The following SSPN variants were observed in gnomAD, a reference collection of about 807,000 sequenced individuals.
SSPN encodes the protein K-ras oncogene-associated protein.
In SSPN, 15 loss-of-function variants were observed where a neutral mutation model predicts 19.1. The ratio of observed to expected loss-of-function variants is 0.78; its 90% CI spans 0.52 to 1.21. The LOEUF is 1.21. Ranked by LOEUF, SSPN falls within the 50% of genes most tolerant of loss-of-function variation. The pLI, the probability that SSPN is intolerant of heterozygous loss-of-function variation, is 0.00. For missense variants in SSPN, 291 were observed against 314.0 expected (o/e 0.93, Z 0.55); for synonymous variants, 147 against 140.3 (o/e 1.05, Z -0.34).
intron 1 of SSPN, chr12:26,125,431 G>A (rs1171632582): frequency 6.3e-6 from 1 of 158,602 alleles, no homozygotes; most frequent in African/African-American, 2.4e-5. Flanking sequence ...TTGAACCATA[G>A]AAAGGAAGTG....
At chr12:26,223,699 T>C (rs1309570145) in intron 1 of SSPN, among the ~76,000 whole-genome samples, 1 of 152,218 alleles carries the variant, frequency 6.6e-6, no homozygotes, top group Non-Finnish European at 1.5e-5. Context: ...TAATATCACC[T>C]ACCTTATAGG....
At chr12:26,161,567 T>C (rs887130743) in intron 1 of SSPN, among the ~76,000 whole-genome samples, 1 of 152,248 alleles carries the variant, frequency 6.6e-6, no homozygotes, top group Non-Finnish European at 1.5e-5. Context: ...CTTTATGATT[T>C]ACTTATTTAT....
intron 1 of SSPN, among the ~76,000 whole-genome samples, chr12:26,169,100 G>A (rs1944639040): frequency 6.7e-6 from 1 of 149,586 alleles, no homozygotes; most frequent in Non-Finnish European, 1.5e-5. Flanking sequence ...CTGAAATTCT[G>A]GGGAGTGCTT....
chr12:26,204,254 G>A (rs1944911421), intron 1 of SSPN, among the ~76,000 whole-genome samples: 1 of 152,106 alleles, frequency 6.6e-6, no homozygotes, highest in African/African-American at 2.4e-5. Context: ...GGGGTGGCGC[G>A]GCTCCGTGCT....
chr12:26,195,710 A>G lies in SSPN; in HGVS notation c.38A>G (p.Gln13Arg), dbSNP rs1164784607. 2 of 1,178,354 alleles carry G rather than the reference A, an allele frequency of 1.7e-6. No homozygotes were observed. Among genetic ancestry groups the G allele is most frequent in the Admixed American group, 3.6e-5 (1 of 27,546 alleles). 73.0% of individuals were successfully genotyped at this position (1,178,354 alleles called of 1,614,324 possible). A position where few individuals can be genotyped will look rare whatever the true frequency, so the allele number is the denominator to read the frequency against. Residue 13 changes from glutamine to arginine, a missense_variant, in exon 1 of 3, where the codon CAG becomes CGG. Around this residue, in one of 3 missense-constraint regions of SSPN, gnomAD observed 139 missense variants for 119.6 expected, o/e 1.16. Transcript: ENST00000242729. Reference sequence around the variant, plus strand: ...AAGCAGCCACGCGGCCAGCAGAGGCAGGGGGGCCCGCCGGCCGCGGACGCC... The same window carrying G: ...AAGCAGCCACGCGGCCAGCAGAGGCGGGGGGGCCCGCCGGCCGCGGACGCC... The part of the protein sequence containing the change: ...KNKQPRGQQR[Q>R]GGPPAADAAG...
At chr12:26,196,559 T>C (rs929518820) in intron 1 of SSPN, among the ~76,000 whole-genome samples, 1 of 152,192 alleles carries the variant, frequency 6.6e-6, no homozygotes, top group South Asian at 2.1e-4. Context: ...AGAAGTATAT[T>C]TGGGACTCCA....
chr12:26,211,509 C>A (rs1175177862), intron 1 of SSPN: 3 of 152,202 alleles, frequency 2.0e-5, no homozygotes, highest in East Asian at 1.9e-4. Context: ...TGCTGGCACA[C>A]GTCTTACAGA....
intron 1 of SSPN, among the ~76,000 whole-genome samples, chr12:26,204,911 G>A (rs987957781): frequency 6.6e-6 from 1 of 152,202 alleles, no homozygotes; most frequent in Non-Finnish European, 1.5e-5. Flanking sequence ...ATGGGATACT[G>A]TAAGCTCTCC....
At chr12:26,215,921 T>C (rs1767623377) in intron 1 of SSPN, among the ~76,000 whole-genome samples, 1 of 152,252 alleles carries the variant, frequency 6.6e-6, no homozygotes, top group South Asian at 2.1e-4. Flanking sequence ...AACACCTTTA[T>C]AACACAATAG....
chr12:26,135,544 G>T (rs1006357408), intron 1 of SSPN, among the ~76,000 whole-genome samples: 2 of 152,122 alleles, frequency 1.3e-5, no homozygotes, highest in African/African-American at 4.8e-5. Flanking sequence ...CCTGGAGGTG[G>T]TCAGTCAGTC....
intron 1 of SSPN, among the ~76,000 whole-genome samples, chr12:26,146,337 C>G (rs10771263): frequency 0.54 from 82,399 of 152,050 alleles, 25,175 homozygotes; most frequent in Non-Finnish European, 0.67. Flanking sequence ...TTTCTTGGAG[C>G]ACCCTCAGTC....
intron 1 of SSPN, among the ~76,000 whole-genome samples, chr12:26,137,527 C>CTGTTGTGAGGT (rs1190075568): frequency 6.6e-6 from 1 of 150,654 alleles, no homozygotes; most frequent in African/African-American, 2.5e-5. Flanking sequence ...TCTTATATGC[C>CTGTTGTGAGGT]TGTTGTGAGG....
At chr12:26,123,109 G>A (rs561601016) in intron 1 of SSPN, 1 of 1,609,858 alleles carries the variant, frequency 6.2e-7, no homozygotes, top group Admixed American at 1.7e-5. Flanking sequence ...GCGCATGTTT[G>A]AAATCCCGAG....
intron 1 of SSPN, among the ~76,000 whole-genome samples, chr12:26,211,980 C>T (rs1413328750): frequency 6.6e-6 from 1 of 152,146 alleles, no homozygotes; most frequent in East Asian, 1.9e-4. Flanking sequence ...ACCAACCAAT[C>T]AGAACTTTTA....
At chr12:26,188,933 C>A (rs1373532071) in intron 1 of SSPN, among the ~76,000 whole-genome samples, 1 of 151,884 alleles carries the variant, frequency 6.6e-6, no homozygotes, top group Non-Finnish European at 1.5e-5. Flanking sequence ...TTTTTTTGAA[C>A]AATAAAAAAA....
chr12:26,151,718 A>G (rs1010269658), intron 1 of SSPN, among the ~76,000 whole-genome samples: 1 of 152,222 alleles, frequency 6.6e-6, no homozygotes, highest in African/African-American at 2.4e-5. Flanking sequence ...GTGGTCCAGG[A>G]GGATCTAGTA....
intron 1 of SSPN, among the ~76,000 whole-genome samples, chr12:26,223,987 A>G (rs1373024026): frequency 6.6e-6 from 1 of 152,120 alleles, no homozygotes; most frequent in African/African-American, 2.4e-5. Flanking sequence ...TTTGGCTTTC[A>G]CCGGATTGTA....
At chr12:26,194,832 T>A (rs57421136), upstream of SSPN, among the ~76,000 whole-genome samples, 84 of 152,060 alleles carry the variant, frequency 5.5e-4, no homozygotes, top group African/African-American at 2.0e-3. Context: ...ATGAAAAAAA[T>A]TTTAAAAAAT....
intron 1 of SSPN, among the ~76,000 whole-genome samples, chr12:26,153,885 G>A (rs1591852247): frequency 1.3e-5 from 2 of 152,298 alleles, no homozygotes; most frequent in South Asian, 4.1e-4. Flanking sequence ...CCTGATGGAT[G>A]AGCCCAGAAA....
Sources: allele counts gnomAD v4.1 joint callset (sites outside exome capture counted in the v4.1 genomes callset), GRCh38; gene constraint gnomAD v4.1.1; regional missense constraint gnomAD v4.1.1; transcripts MANE v1.5; gene names NCBI Gene and HGNC (gene_info 2026-07-23, HGNC 2026-07-21).